Variants in ZNF461 observed in about 807,000 individuals in gnomAD.
ZNF461 encodes the protein gonadotropin-inducible ovarian transcription factor-1.
Under a neutral mutation model 18.3 loss-of-function variants are expected in ZNF461, and 16 were observed. The observed-to-expected ratio is 0.88, with a 90% CI of 0.59 to 1.33. The LOEUF (loss-of-function observed/expected upper bound fraction) is 1.33. Among genes scored for constraint, ZNF461 ranks in the 40% most tolerant of loss-of-function variants. The pLI, the probability that ZNF461 is intolerant of heterozygous loss-of-function variation, is 0.00. For synonymous variants in ZNF461, 179 were observed against 216.9 expected, an observed-to-expected ratio of 0.83 and a Z score of 1.54; for missense variants, 595 against 669.9, an observed-to-expected ratio of 0.89 and a Z score of 1.23.
chr19:36,640,101 A>G (rs1220283696), intron 5 of ZNF461, 58 bp from the exon 6 acceptor site: 6 of 1,410,932 alleles, frequency 4.3e-6, no homozygotes, highest in African/African-American at 1.4e-5. Flanking sequence ...GAAATAAAAT[A>G]TCTATGGTAG....
At position 36,643,793 on chromosome 19, in the gene ZNF461, C is replaced by T; in HGVS notation, c.301+1G>A. ...CTCTTAAAAACTGTATTTATTTATA[C>T]CTGCATTTATGTCTGTAGCCTCATT... On this transcript the variant is annotated splice_donor_variant, in intron 5 of 5. Transcript: ENST00000588268. LOFTEE classifies it high-confidence loss of function. 6.5e-7 allele frequency: 1 copy of T among 1,529,030 alleles called. No homozygotes were observed. The highest frequency in any genetic ancestry group is 1.4e-5 in the African/African-American group (1 of 72,020). 94.7% of individuals were successfully genotyped at this position (1,529,030 alleles called of 1,614,324 possible). A position where few individuals can be genotyped will look rare whatever the true frequency, so the allele number is the denominator to read the frequency against.
At chr19:36,643,125 TATAAAC>T (rs1480058635) in intron 5 of ZNF461, 1 of 152,150 alleles carries the variant, frequency 6.6e-6, no homozygotes, top group African/African-American at 2.4e-5. Flanking sequence ...TATGTACAGA[TATAAAC>T]ACAAACACAC....
At chr19:36,666,515 T>TCA (rs1482751408) in intron 1 of ZNF461, among the ~76,000 whole-genome samples, 175 bp downstream of exon 1, 1 of 152,088 alleles carries the variant, frequency 6.6e-6, no homozygotes, top group African/African-American at 2.4e-5. Context: ...AATCACACTG[T>TCA]CACTAAAGCA....
chr19:36,650,312 C>G (rs143051017), intron 4 of ZNF461, among the ~76,000 whole-genome samples: 1 of 152,248 alleles, frequency 6.6e-6, no homozygotes, highest in East Asian at 1.9e-4. Flanking sequence ...ACACCACATA[C>G]AACTTCATAC....
rs2037721298 is a variant in ZNF461, at chr19:36,656,461, T to G, written c.219A>C (p.Gly73=). Residue 73 remains glycine, a synonymous_variant, in exon 4 of 6, where the codon GGA becomes GGC. Coordinates refer to ENST00000588268, the MANE Select transcript of ZNF461 (RefSeq NM_153257.5). ...EPWMVVREET[G]RWCPGTWKTW... ...TTGCTCACTCACCTGGGCACCATCT[T>G]CCTGTCTCTTCCCTCACAACCATCC... 1 of 1,614,126 alleles carries G rather than the reference T, an allele frequency of 6.2e-7. No individual in the cohort carries two copies. Among genetic ancestry groups the G allele is most frequent in the Non-Finnish European group, 8.5e-7 (1 of 1,179,974 alleles).
intron 4 of ZNF461, among the ~76,000 whole-genome samples, chr19:36,647,272 G>A (rs1206585247): frequency 6.6e-6 from 1 of 152,212 alleles, no homozygotes; most frequent in Non-Finnish European, 1.5e-5. Context: ...AGGTGTGGTG[G>A]TTCACGCTTG....
rs765140205 is a variant in ZNF461 at position 36,639,536 on chromosome 19, TC to T, written c.808del (p.Glu270LysfsTer159). 2.5e-6 allele frequency: 4 copies of T among 1,613,682 alleles called. No homozygotes were observed. The South Asian group carries it at 3.3e-5, about 13-fold the overall frequency. On this transcript the variant is annotated frameshift_variant, in exon 6 of 6. Coordinates refer to ENST00000588268, the MANE Select transcript of ZNF461 (RefSeq NM_153257.5). LOFTEE classifies it low-confidence loss of function (END_TRUNC). ...QLKHLRIHNG[E>X]KRYECNECGK... Reference sequence around the variant, plus strand: ...ACATTCGTTACATTCATAGCGTTTTTCACCATTATGAATTCTTAGATGTTTA... The same window carrying T: ...ACATTCGTTACATTCATAGCGTTTTTACCATTATGAATTCTTAGATGTTTA...
intron 4 of ZNF461, among the ~76,000 whole-genome samples, chr19:36,654,527 T>A (rs144517007): frequency 3.9e-5 from 6 of 152,034 alleles, no homozygotes; most frequent in African/African-American, 1.4e-4. Context: ...GCCACCATGC[T>A]AGGCTAATTT....
chr19:36,653,818 G>C (rs1438958921), intron 4 of ZNF461, among the ~76,000 whole-genome samples: 1 of 152,150 alleles, frequency 6.6e-6, no homozygotes, highest in Non-Finnish European at 1.5e-5. Flanking sequence ...TATCACAAGG[G>C]TTAGGAAAAA....
At chr19:36,664,040 C>T (rs944479765) in intron 2 of ZNF461, among the ~76,000 whole-genome samples, 5 of 152,136 alleles carry the variant, frequency 3.3e-5, no homozygotes, top group African/African-American at 7.2e-5. Context: ...AATAAATATT[C>T]GTTAATCACC....
At chr19:36,655,935 T>C (rs1325603474) in intron 4 of ZNF461, among the ~76,000 whole-genome samples, 1 of 152,070 alleles carries the variant, frequency 6.6e-6, no homozygotes, top group Admixed American at 6.6e-5. Flanking sequence ...TTGTCTAAAA[T>C]AATTTGACTA....
chr19:36,661,130 T>TGTG (rs2037812047), intron 2 of ZNF461, among the ~76,000 whole-genome samples: 1 of 151,828 alleles, frequency 6.6e-6, no homozygotes, highest in African/African-American at 2.4e-5. Flanking sequence ...TTTAAAACAT[T>TGTG]AGCCAGGGGT....
chr19:36,641,825 A>T (rs1290036450), intron 5 of ZNF461, among the ~76,000 whole-genome samples: 7 of 152,124 alleles, frequency 4.6e-5, no homozygotes, highest in African/African-American at 1.2e-4. Flanking sequence ...ATATAAACAC[A>T]TACATAAATA....
chr19:36,644,036 G>A (rs1026632107), intron 4 of ZNF461, among the ~76,000 whole-genome samples, 174 bp from the exon 5 acceptor site: 3 of 152,084 alleles, frequency 2.0e-5, no homozygotes, highest in South Asian at 2.1e-4. Context: ...GGGTTCAAGC[G>A]ATTCTCCTGC....
In ZNF461 at chr19:36,638,783, C is replaced by G; in HGVS notation, c.1562G>C (p.Gly521Ala). The G allele has an allele frequency of 1.2e-6, 2 of 1,614,118 alleles. No homozygotes were observed. Among genetic ancestry groups the G allele is most frequent in the Non-Finnish European group, 1.7e-6 (2 of 1,180,030 alleles). ...CTTCCCGCATTGATAAGGTTTCTTT[C>G]CAGAATGAATTCTCTGATGGTGTGA... ...SFSHHQRIHS[G>A]KKPYQCGKAF... Residue 521 changes from glycine to alanine, a missense_variant, in exon 6 of 6, where the codon GGA (glycine) becomes GCA (alanine). Physicochemically the swap from Gly to Ala is moderately conservative, Grantham distance 60. Coordinates refer to ENST00000588268, the MANE Select transcript of ZNF461 (RefSeq NM_153257.5).
At chr19:36,659,122 T>G (rs2037775085) in intron 2 of ZNF461, among the ~76,000 whole-genome samples, 2 of 152,144 alleles carry the variant, frequency 1.3e-5, no homozygotes, top group African/African-American at 4.8e-5. Flanking sequence ...GCCACCATGT[T>G]CCTAGGAAGC....
At chr19:36,642,093 AATTTT>A (rs2037435138) in intron 5 of ZNF461, among the ~76,000 whole-genome samples, 1 of 152,010 alleles carries the variant, frequency 6.6e-6, no homozygotes, top group Non-Finnish European at 1.5e-5. Context: ...ATGCCCTGCT[AATTTT>A]TAAATCATTT....
chr19:36,648,179 CA>C (rs997129523), intron 4 of ZNF461, among the ~76,000 whole-genome samples: 38 of 141,764 alleles, frequency 2.7e-4, no homozygotes, highest in South Asian at 6.7e-4. Flanking sequence ...AACTCCGTTT[CA>C]AAAAAAAAAA....
Position 36,658,370 on chromosome 19 carries a change from C to T in ZNF461, c.65G>A (p.Cys22Tyr), listed in dbSNP as rs1225240799. 6.2e-6 allele frequency: 10 copies of T among 1,611,516 alleles called. No homozygotes were observed. Among genetic ancestry groups the T allele is most frequent in the Non-Finnish European group, 8.5e-6 (10 of 1,178,646 alleles). ...CAAATTCCTCTGCGCTGGGTTCAGGCATTCCCATTCCTCCTGAGAGACATC... is the reference window on the plus strand; with the variant it reads ...CAAATTCCTCTGCGCTGGGTTCAGGTATTCCCATTCCTCCTGAGAGACATC... ...AIDVSQEEWECLNPAQRNLYK... is the reference protein window; with the variant it reads ...AIDVSQEEWEYLNPAQRNLYK... Residue 22 changes from cysteine to tyrosine, a missense_variant, in exon 3 of 6, where the codon TGC becomes TAC. Cys to Tyr is a radical substitution (Grantham distance 194). Coordinates refer to ENST00000588268, the MANE Select transcript of ZNF461 (RefSeq NM_153257.5).
Sources: gnomAD v4.1 joint callset for allele counts (sites outside exome capture counted in the v4.1 genomes callset) on GRCh38, gnomAD v4.1.1 for gene constraint, MANE v1.5 for transcripts, NCBI Gene and HGNC (gene_info 2026-07-23, HGNC 2026-07-21) for gene names.